VSNL1: variants seen among roughly 807,000 people sequenced by gnomAD.
VSNL1 encodes the protein visinin-like protein 1.
VSNL1 carries 6 observed loss-of-function variants against 20.4 expected under a neutral mutation model. The ratio of observed to expected loss-of-function variants is 0.29; its 90% CI spans 0.16 to 0.58. VSNL1 has a LOEUF of 0.58. VSNL1 is among the 20% of genes least tolerant of loss of function. VSNL1 has a pLI of 0.90. For synonymous variants in VSNL1, 93 were observed against 86.4 expected (o/e 1.08, Z -0.42); for missense variants, 100 against 234.5 (o/e 0.43, Z 3.75).
At chr2:17,542,658 C>A (rs1266342780) in intron 1 of VSNL1, among the ~76,000 whole-genome samples, 1 of 152,198 alleles carries the variant, frequency 6.6e-6, no homozygotes. Flanking sequence ...AATCATTTGT[C>A]ATAATTGAGC....
intron 2 of VSNL1, among the ~76,000 whole-genome samples, chr2:17,599,367 A>C (rs930002257): frequency 6.6e-6 from 1 of 152,198 alleles, no homozygotes; most frequent in Non-Finnish European, 1.5e-5. Flanking sequence ...AGACAATAAA[A>C]ATTTGAATTT....
rs17380757 is a variant in VSNL1 at position 17,637,272 on chromosome 2, G to A, written c.163-12138G>A. Among the ~76,000 whole-genome samples the A allele has an allele frequency of 8.4e-3, 1,286 of 152,344 alleles. 8 individuals carry two copies. Among genetic ancestry groups the A allele is most frequent in the South Asian group, 0.014 (66 of 4,832 alleles). On this transcript the variant is annotated intron_variant, in intron 2 of 3. Coordinates refer to ENST00000295156, the MANE Select transcript of VSNL1 (RefSeq NM_003385.5). ...CAGAGAGATAAATATGGAAATGTGC[G>A]AGAAGAGCTTCCCCATCAAGACTAA...
At chr2:17,591,764 A>G (rs1221996840) in intron 1 of VSNL1, among the ~76,000 whole-genome samples, 5 of 152,144 alleles carry the variant, frequency 3.3e-5, no homozygotes, top group Non-Finnish European at 5.9e-5. Flanking sequence ...AACAACTTCT[A>G]TATGCTTACT....
At chr2:17,549,884 T>C (rs1663487999) in intron 1 of VSNL1, among the ~76,000 whole-genome samples, 1 of 152,250 alleles carries the variant, frequency 6.6e-6, no homozygotes, top group African/African-American at 2.4e-5. Flanking sequence ...AAAACTGCTT[T>C]AGAAAGACAA....
At chr2:17,637,161 C>T (rs1027751871) in intron 2 of VSNL1, among the ~76,000 whole-genome samples, 1 of 152,198 alleles carries the variant, frequency 6.6e-6, no homozygotes, top group Non-Finnish European at 1.5e-5. Flanking sequence ...AGAACTCTCC[C>T]AGTGGAGGCA....
At chr2:17,543,375 A>G (rs535347778) in intron 1 of VSNL1, among the ~76,000 whole-genome samples, 85 of 152,310 alleles carry the variant, frequency 5.6e-4, no homozygotes, top group African/African-American at 1.9e-3. Flanking sequence ...TCCAGCCTTC[A>G]AAGACACTGC....
intron 2 of VSNL1, among the ~76,000 whole-genome samples, chr2:17,637,769 G>C (rs1312220696): frequency 6.6e-6 from 1 of 152,226 alleles, no homozygotes; most frequent in Non-Finnish European, 1.5e-5. Context: ...ACACCAGTGA[G>C]AGCAGGGCAC....
intron 1 of VSNL1, among the ~76,000 whole-genome samples, chr2:17,547,502 C>T (rs924902053): frequency 1.3e-5 from 2 of 151,976 alleles, no homozygotes; most frequent in African/African-American, 4.8e-5. Flanking sequence ...AGAAAGTGTG[C>T]CAAGCTCTGT....
chr2:17,549,155 A>G (rs765435071), intron 1 of VSNL1, among the ~76,000 whole-genome samples: 56 of 152,344 alleles, frequency 3.7e-4, no homozygotes, highest in Non-Finnish European at 6.3e-4. Flanking sequence ...TATCACTTGC[A>G]TATCTTTTGT....
intron 1 of VSNL1, among the ~76,000 whole-genome samples, chr2:17,569,410 C>T (rs1379332649): frequency 2.0e-5 from 3 of 151,782 alleles, no homozygotes; most frequent in African/African-American, 7.2e-5. Flanking sequence ...ATTTCTCCTA[C>T]TCTGAAATTT....
intron 2 of VSNL1, among the ~76,000 whole-genome samples, chr2:17,626,392 G>C (rs1448349369): frequency 6.6e-6 from 1 of 152,216 alleles, no homozygotes; most frequent in South Asian, 2.1e-4. Context: ...AACTGGAAAA[G>C]GTGACAGGAG....
intron 1 of VSNL1, among the ~76,000 whole-genome samples, chr2:17,585,561 G>T (rs1664451217): frequency 6.6e-6 from 1 of 151,234 alleles, no homozygotes; most frequent in South Asian, 2.1e-4. Flanking sequence ...TGGCTTACAA[G>T]CTTTGAGTGT....
chr2:17,553,775 CACGA>C (rs145168684), intron 1 of VSNL1, among the ~76,000 whole-genome samples: 4,457 of 152,330 alleles, frequency 0.029, 63 homozygotes, highest in Middle Eastern at 0.054. Flanking sequence ...TAACGTATCT[CACGA>C]AATTGTTGTG....
At chr2:17,547,216 C>G (rs1663424166) in intron 1 of VSNL1, among the ~76,000 whole-genome samples, 1 of 151,984 alleles carries the variant, frequency 6.6e-6, no homozygotes, top group Non-Finnish European at 1.5e-5. Context: ...ATTGTTTAAA[C>G]TCTCAGCCTC....
chr2:17,613,807 T>A (rs1439943999), intron 2 of VSNL1, among the ~76,000 whole-genome samples: 1 of 152,162 alleles, frequency 6.6e-6, no homozygotes, highest in African/African-American at 2.4e-5. Context: ...CATCTATTCA[T>A]CCCATAGAAA....
chr2:17,546,401 A>G lies in VSNL1; in HGVS notation c.-6+5483A>G, dbSNP rs550768672. Among the ~76,000 whole-genome samples the G allele has an allele frequency of 2.8e-5, 4 of 140,420 alleles. No homozygotes were observed. In the East Asian group the frequency reaches 1.4e-3, roughly 51 times the overall value. The allele number at this position is 140,420 out of a possible 152,430, so 92.1% of individuals were successfully genotyped here. A position where few individuals can be genotyped will look rare whatever the true frequency, so the allele number is the denominator to read the frequency against. On this transcript the variant is annotated intron_variant, in intron 1 of 3. Transcript: ENST00000295156. ...ATGAACTTTTGAGGAGCTTTATGTAAATAGTTTTTTGTTTTTTTTGGCAAA... is the reference window on the plus strand; with the variant it reads ...ATGAACTTTTGAGGAGCTTTATGTAGATAGTTTTTTGTTTTTTTTGGCAAA...
chr2:17,585,607 T>A (rs1250065637), intron 1 of VSNL1, among the ~76,000 whole-genome samples: 1 of 95,478 alleles, frequency 1.0e-5, no homozygotes, highest in Non-Finnish European at 2.2e-5. Flanking sequence ...GGGTGGGGAG[T>A]GGGGGACACC....
intron 1 of VSNL1, among the ~76,000 whole-genome samples, chr2:17,554,267 G>T (rs1447714953): frequency 6.6e-6 from 1 of 152,092 alleles, no homozygotes; most frequent in Admixed American, 6.5e-5. Context: ...AACTCAATGA[G>T]AGGTGAATAA....
intron 2 of VSNL1, among the ~76,000 whole-genome samples, chr2:17,642,324 T>TTTC (rs1665899609): frequency 6.9e-6 from 1 of 144,572 alleles, no homozygotes; most frequent in African/African-American, 2.6e-5. Flanking sequence ...TTTTTTTTTT[T>TTTC]TTGAGACAGA....
Sources: gnomAD v4.1 joint callset for allele counts (sites outside exome capture counted in the v4.1 genomes callset) on GRCh38, gnomAD v4.1.1 for gene constraint, MANE v1.5 for transcripts, NCBI Gene and HGNC (gene_info 2026-07-23, HGNC 2026-07-21) for gene names.